The following SKAP1 variants were observed in gnomAD, a reference collection of about 807,000 sequenced individuals.
SKAP1 encodes src kinase-associated phosphoprotein 1.
Under a neutral mutation model 58.5 loss-of-function variants are expected in SKAP1, and 44 were observed. That is an observed-to-expected ratio of 0.75 (90% CI 0.59 to 0.97). SKAP1 has a LOEUF of 0.97. Among genes scored for constraint, SKAP1 ranks in the 50% least tolerant of loss-of-function variants. The pLI is 0.00. For missense variants in SKAP1, 390 were observed against 435.2 expected (o/e 0.90, Z 0.92); for synonymous variants, 127 against 149.7 (o/e 0.85, Z 1.11).
At chr17:48,139,063 T>C (rs1399276620) in intron 11 of SKAP1, among the ~76,000 whole-genome samples, 1 of 151,572 alleles carries the variant, frequency 6.6e-6, no homozygotes, top group Non-Finnish European at 1.5e-5. Context: ...GTATTTTTAG[T>C]AAAGACGGTG....
chr17:48,182,384 T>C lies in SKAP1; in HGVS notation c.631+10A>G, dbSNP rs2064381055. On this transcript the variant is annotated intron_variant, in intron 8 of 12. Transcript: ENST00000336915. ...AACTCAAGTATTATTTCTGTAACAA[T>C]GACACTTACCCTTTAACAAGAAACT... is the stretch of plus-strand genomic sequence containing the variant. The C allele has an allele frequency of 8.2e-6, 13 of 1,584,422 alleles. No individual in the cohort carries two copies. The highest frequency in any genetic ancestry group is 1.1e-5 in the Non-Finnish European group (13 of 1,157,174).
At chr17:48,280,987 T>G (rs1239109494) in intron 4 of SKAP1, among the ~76,000 whole-genome samples, 1 of 152,166 alleles carries the variant, frequency 6.6e-6, no homozygotes, top group African/African-American at 2.4e-5. Context: ...ACTTAGGCAG[T>G]CTAAACCCAG....
intron 4 of SKAP1, among the ~76,000 whole-genome samples, chr17:48,249,482 G>C (rs1217845096): frequency 6.6e-6 from 1 of 152,102 alleles, no homozygotes; most frequent in Non-Finnish European, 1.5e-5. Flanking sequence ...AGACCAGCCT[G>C]GGCAACATGA....
intron 12 of SKAP1, among the ~76,000 whole-genome samples, chr17:48,135,460 G>GC (rs2063686473): frequency 6.6e-6 from 1 of 152,122 alleles, no homozygotes; most frequent in Admixed American, 6.6e-5. Flanking sequence ...TGTGGTTCTT[G>GC]CTAATACAAC....
At chr17:48,287,011 G>T (rs1244612724) in intron 4 of SKAP1, among the ~76,000 whole-genome samples, 1 of 152,058 alleles carries the variant, frequency 6.6e-6, no homozygotes, top group Non-Finnish European at 1.5e-5. Context: ...CAGGAGAATT[G>T]CTTGAACCCG....
At chr17:48,411,398 CAAATAAATAAATAAAT>C (rs55868728) in intron 1 of SKAP1, among the ~76,000 whole-genome samples, 11 of 147,178 alleles carry the variant, frequency 7.5e-5, no homozygotes, top group African/African-American at 1.2e-4. Context: ...GATTCCATCT[CAAATAAATAAATAAAT>C]AAATAAATAA....
At chr17:48,215,985 C>T (rs2064934759) in intron 4 of SKAP1, among the ~76,000 whole-genome samples, 1 of 152,222 alleles carries the variant, frequency 6.6e-6, no homozygotes, top group East Asian at 1.9e-4. Flanking sequence ...ACTTAAACAG[C>T]TGGCTTTCAG....
At chr17:48,400,713 A>G (rs931207987) in intron 1 of SKAP1, among the ~76,000 whole-genome samples, 2 of 152,022 alleles carry the variant, frequency 1.3e-5, no homozygotes, top group Non-Finnish European at 2.9e-5. Context: ...ACATCACTGC[A>G]CTCCAGGCTG....
chr17:48,307,673 A>G (rs976420706), intron 4 of SKAP1: 3 of 152,224 alleles, frequency 2.0e-5, no homozygotes, highest in South Asian at 4.1e-4. Flanking sequence ...ATTTAAAAAT[A>G]TGTCTCTGGG....
chr17:48,177,945 T>C (rs1001246516), intron 9 of SKAP1, among the ~76,000 whole-genome samples: 3 of 152,128 alleles, frequency 2.0e-5, no homozygotes, highest in Non-Finnish European at 4.4e-5. Flanking sequence ...GTGGCCTTCC[T>C]CACTTCCAAT....
rs755647420 is a variant in SKAP1 at position 48,430,213 on chromosome 17, G to A, written c.-93C>T. On this transcript the variant is annotated 5_prime_UTR_variant, in exon 1 of 13. Transcript: ENST00000336915. ...GACCCGGCTGCACCGCGAGGCACCTGTACCTCAGCCGCGGTCGCCGCCCGC... is the reference window on the plus strand; with the variant it reads ...GACCCGGCTGCACCGCGAGGCACCTATACCTCAGCCGCGGTCGCCGCCCGC... 5.9e-5 allele frequency: 60 copies of A among 1,014,058 alleles called. No individual in the cohort carries two copies. The highest frequency in any genetic ancestry group is 6.9e-5 in the Non-Finnish European group (55 of 799,328). 62.8% of individuals were successfully genotyped at this position (1,014,058 alleles called of 1,614,324 possible).
At chr17:48,151,127 TA>T (rs1201801874) in intron 11 of SKAP1, among the ~76,000 whole-genome samples, 1 of 150,824 alleles carries the variant, frequency 6.6e-6, no homozygotes, top group East Asian at 1.9e-4. Flanking sequence ...AATGCAAGTT[TA>T]AAATGTTCAT....
chr17:48,302,722 G>T (rs926843122), intron 4 of SKAP1, among the ~76,000 whole-genome samples: 1 of 152,192 alleles, frequency 6.6e-6, no homozygotes, highest in African/African-American at 2.4e-5. Flanking sequence ...TTTCTGTGGT[G>T]CATTCTAATG....
chr17:48,441,295 C>T, the SKAP1 span, among the ~76,000 whole-genome samples: 15 of 152,240 alleles, frequency 9.9e-5, no homozygotes, highest in Non-Finnish European at 2.1e-4. Context: ...CTTTTACCTA[C>T]AGAGAGAAAC....
chr17:48,435,947 T>G, the SKAP1 span, among the ~76,000 whole-genome samples: 1 of 152,264 alleles, frequency 6.6e-6, no homozygotes, highest in African/African-American at 2.4e-5. Context: ...AGCTGATTAT[T>G]TCGATGTAAG....
At position 48,310,449 on chromosome 17, in the gene SKAP1, C is replaced by T. The variant is rs139585023; in HGVS notation, c.280+35456G>A. On this transcript the variant is annotated intron_variant, in intron 4 of 12. Coordinates refer to ENST00000336915, the MANE Select transcript of SKAP1 (RefSeq NM_003726.4). ...CATTCTCTCCCAATGTGAAAAATTA[C>T]AAATGAAACTAAATTTCTGTCAATA... Among the ~76,000 whole-genome samples the T allele has an allele frequency of 3.1e-3, 474 of 152,244 alleles. 2 individuals are homozygous for T. Among genetic ancestry groups the T allele is most frequent in the African/African-American group, 0.01 (435 of 41,524 alleles).
chr17:48,135,034 T>G (rs958440943), intron 12 of SKAP1, among the ~76,000 whole-genome samples: 2 of 152,130 alleles, frequency 1.3e-5, no homozygotes, highest in Non-Finnish European at 2.9e-5. Context: ...ACAGAAAAAT[T>G]CCAACCCTCT....
At chr17:48,406,794 G>A (rs901940569) in intron 1 of SKAP1, among the ~76,000 whole-genome samples, 4 of 152,050 alleles carry the variant, frequency 2.6e-5, no homozygotes, top group African/African-American at 9.7e-5. Flanking sequence ...TCAAACTCCT[G>A]ACCTCAAGTG....
chr17:48,170,686 C>T (rs2064197827), intron 9 of SKAP1, 27 bp from the exon 10 acceptor site: 2 of 1,570,028 alleles, frequency 1.3e-6, no homozygotes, highest in Non-Finnish European at 1.7e-6. Flanking sequence ...TCAGTATTAG[C>T]AATTAGTGGT....
Sources: gnomAD v4.1 joint callset for allele counts (sites outside exome capture counted in the v4.1 genomes callset) on GRCh38, gnomAD v4.1.1 for gene constraint, MANE v1.5 for transcripts, NCBI Gene and HGNC (gene_info 2026-07-23, HGNC 2026-07-21) for gene names.